Variants in SOX5 observed in about 807,000 individuals in gnomAD.
SOX5 encodes transcription factor SOX-5.
In SOX5, 9 loss-of-function variants were observed where a neutral mutation model predicts 92.0. The observed-to-expected ratio is 0.10, with a 90% CI of 0.06 to 0.17. The LOEUF is 0.17. SOX5 is among the 10% of genes least tolerant of loss of function. SOX5 has a pLI of 1.00. For synonymous variants in SOX5, 344 were observed against 336.3 expected (o/e 1.02, Z -0.25); for missense variants, 642 against 944.5 (o/e 0.68, Z 4.20).
At chr12:24,070,229 C>T (rs1379644213) in intron 4 of SOX5, among the ~76,000 whole-genome samples, 9 of 152,198 alleles carry the variant, frequency 5.9e-5, no homozygotes, top group African/African-American at 1.9e-4. Flanking sequence ...GCTCCCTCCC[C>T]CTCCATTTCC....
intron 3 of SOX5, among the ~76,000 whole-genome samples, chr12:23,789,243 A>C (rs1231526562): frequency 1.3e-5 from 2 of 151,962 alleles, no homozygotes; most frequent in African/African-American, 4.8e-5. Context: ...TAAAAAAAAA[A>C]AACATTAAAT....
At position 23,632,528 on chromosome 12, in the gene SOX5, C is replaced by T. The variant is rs2078677688; in HGVS notation, c.1017+8284G>A. ...TGATTTTCTGGAAGTTTCTCTTGGC[C>T]AAGCATATAAAGCCATGCTCAGTCA... On this transcript the variant is annotated intron_variant, in intron 8 of 14. Coordinates refer to ENST00000451604, the MANE Select transcript of SOX5 (RefSeq NM_006940.6). Among the ~76,000 whole-genome samples the T allele has an allele frequency of 2.0e-5, 3 of 152,006 alleles. No individual in the cohort carries two copies. In the South Asian group the frequency reaches 6.2e-4, roughly 32 times the overall value.
intron 1 of SOX5, among the ~76,000 whole-genome samples, chr12:24,436,098 C>G (rs1939378946): frequency 6.6e-6 from 1 of 152,026 alleles, no homozygotes; most frequent in Non-Finnish European, 1.5e-5. Context: ...TTTTTTATTC[C>G]CCAAAATGCA....
intron 4 of SOX5, among the ~76,000 whole-genome samples, chr12:24,003,971 T>C (rs1286206382): frequency 6.6e-6 from 1 of 152,064 alleles, no homozygotes; most frequent in Non-Finnish European, 1.5e-5. Context: ...AGAACAGAAC[T>C]GAGAATCCTA....
At chr12:23,650,033 C>A (rs541202429) in intron 7 of SOX5, among the ~76,000 whole-genome samples, 2 of 151,918 alleles carry the variant, frequency 1.3e-5, no homozygotes, top group African/African-American at 4.8e-5. Context: ...TTTGTTTTGC[C>A]TCCTTGACAA....
intron 2 of SOX5, among the ~76,000 whole-genome samples, chr12:24,355,082 T>C (rs1254655146): frequency 6.6e-6 from 1 of 151,974 alleles, no homozygotes; most frequent in Admixed American, 6.6e-5. Flanking sequence ...TTGTATAGAG[T>C]TGACAAACTT....
intron 1 of SOX5, among the ~76,000 whole-genome samples, chr12:24,553,474 C>T (rs1953422072): frequency 6.6e-6 from 1 of 152,170 alleles, no homozygotes; most frequent in South Asian, 2.1e-4. Context: ...CAATATGAAA[C>T]TCATCTTGCA....
In SOX5 at chr12:24,095,120, C is replaced by CAGAGAGAGAGAGAG. The variant is rs1442826677; in HGVS notation, c.-2+118222_-2+118223insCTCTCTCTCTCTCT. ...ACACACACACACACACACACACACA[C>CAGAGAGAGAGAGAG]ACACACACAGAGAGAGAGAGAGAGA... On this transcript the variant is annotated intron_variant, in intron 4 of 4. Transcript: ENST00000446891. 5.0e-3 allele frequency among the ~76,000 whole-genome samples: 508 copies of CAGAGAGAGAGAGAG among 101,914 alleles called. 2 individuals are homozygous for CAGAGAGAGAGAGAG. The highest frequency in any genetic ancestry group is 7.2e-3 in the Non-Finnish European group (339 of 47,222). The allele number at this position is 101,914 out of a possible 152,430, so 66.9% of individuals were successfully genotyped here.
chr12:23,641,959 C>T (rs944696897), intron 7 of SOX5, among the ~76,000 whole-genome samples: 4 of 152,150 alleles, frequency 2.6e-5, no homozygotes, highest in Non-Finnish European at 5.9e-5. Flanking sequence ...TTCCTCTTGG[C>T]CCTAGACATA....
chr12:23,997,089 T>A (rs1416390652), intron 4 of SOX5, among the ~76,000 whole-genome samples: 1 of 152,090 alleles, frequency 6.6e-6, no homozygotes, highest in Non-Finnish European at 1.5e-5. Flanking sequence ...AAACAACCAT[T>A]TCAGATCTGA....
intron 2 of SOX5, among the ~76,000 whole-genome samples, chr12:23,887,917 A>ATGTG (rs61356582): frequency 0.028 from 4,093 of 144,666 alleles, 97 homozygotes; most frequent in African/African-American, 0.065. Context: ...CAGTGTGTAT[A>ATGTG]TGTGTGTGTG....
At chr12:23,561,377 GTTAC>G (rs796808772) in intron 11 of SOX5, among the ~76,000 whole-genome samples, 55 of 152,262 alleles carry the variant, frequency 3.6e-4, no homozygotes, top group African/African-American at 1.1e-3. Flanking sequence ...TTCCACTCCT[GTTAC>G]TTAATCAAAA....
intron 7 of SOX5, among the ~76,000 whole-genome samples, chr12:23,651,811 G>C (rs1015828609): frequency 6.6e-6 from 1 of 151,668 alleles, no homozygotes; most frequent in Non-Finnish European, 1.5e-5. Context: ...CCCAAAGTAG[G>C]AGGTACAACA....
At chr12:23,690,267 G>A (rs1477341057) in intron 6 of SOX5, among the ~76,000 whole-genome samples, 1 of 152,162 alleles carries the variant, frequency 6.6e-6, no homozygotes, top group Admixed American at 6.6e-5. Flanking sequence ...ACAGAATATA[G>A]AATAAACTCA....
intron 2 of SOX5, among the ~76,000 whole-genome samples, chr12:24,352,606 T>TGATTG (rs1238818815): frequency 2.0e-5 from 3 of 152,244 alleles, no homozygotes; most frequent in African/African-American, 7.2e-5. Context: ...ACTCAGGCAC[T>TGATTG]GATTGGTTTT....
At chr12:24,346,671 T>G (rs1384856774) in intron 2 of SOX5, among the ~76,000 whole-genome samples, 1 of 152,138 alleles carries the variant, frequency 6.6e-6, no homozygotes, top group Non-Finnish European at 1.5e-5. Context: ...CGGGCTGGTC[T>G]CAAACTCCTG....
intron 4 of SOX5, among the ~76,000 whole-genome samples, chr12:24,175,689 C>T (rs763495793): frequency 9.9e-5 from 15 of 152,278 alleles, no homozygotes; most frequent in Middle Eastern, 3.4e-3. Context: ...CCCTGTCCAT[C>T]TCCAGTGGGC....
At position 24,248,954 on chromosome 12, in the gene SOX5, C is replaced by T. The variant is rs577201816; in HGVS notation, c.-77+28262G>A. On this transcript the variant is annotated intron_variant, in intron 3 of 4. Transcript: ENST00000446891. ...TATAGAGAAAGGCTAAATAATCATA[C>T]GATGGTAACCATTAGTCAAGTCACT... Among the ~76,000 whole-genome samples, 3 of 152,234 alleles carry T rather than the reference C, an allele frequency of 2.0e-5. No homozygotes were observed. In the South Asian group the frequency reaches 6.2e-4, roughly 32 times the overall value.
At chr12:24,406,568 C>T (rs1962998386) in intron 1 of SOX5, among the ~76,000 whole-genome samples, 1 of 152,164 alleles carries the variant, frequency 6.6e-6, no homozygotes, top group African/African-American at 2.4e-5. Flanking sequence ...AAATGACAGA[C>T]CTTTTCCCTC....
Sources: allele counts gnomAD v4.1 joint callset (sites outside exome capture counted in the v4.1 genomes callset), GRCh38; gene constraint gnomAD v4.1.1; transcripts MANE v1.5; gene names NCBI Gene and HGNC (gene_info 2026-07-23, HGNC 2026-07-21).